BPTF: variants seen among roughly 807,000 people sequenced by gnomAD.
The protein encoded by BPTF is bromodomain PHD finger transcription factor, also known as nucleosome-remodeling factor subunit BPTF.
BPTF carries 18 observed loss-of-function variants against 292.5 expected under a neutral mutation model. That is an observed-to-expected ratio of 0.06 (90% confidence interval 0.04 to 0.09). The LOEUF is 0.09. Ranked by LOEUF, BPTF falls within the 10% of genes least tolerant of loss-of-function variation. BPTF has a pLI of 1.00. For synonymous variants in BPTF, 1,225 were observed against 1,251.9 expected, an observed-to-expected ratio of 0.98 and a Z score of 0.45; for missense variants, 2,726 against 3,498.7, an observed-to-expected ratio of 0.78 and a Z score of 5.57.
At chr17:67,841,302 G>A (rs1361943068) in intron 1 of BPTF, among the ~76,000 whole-genome samples, 1 of 152,032 alleles carries the variant, frequency 6.6e-6, no homozygotes, top group East Asian at 1.9e-4. Context: ...CCAGCTACTC[G>A]GGAGGCTGAG....
In BPTF at chr17:67,889,432, A is replaced by G. The variant is rs185291122; in HGVS notation, c.1865-2412A>G. 1.4e-4 allele frequency among the ~76,000 whole-genome samples: 21 copies of G among 152,316 alleles called. No individual in the cohort carries two copies. The East Asian group carries it at 4.1e-3, about 29-fold the overall frequency. ...CGGGAAATCTGACCCAGACCAAATGATGTCTAAAAAGTATCTATTACAGGA... is the reference window on the plus strand; with the variant it reads ...CGGGAAATCTGACCCAGACCAAATGGTGTCTAAAAAGTATCTATTACAGGA... On this transcript the variant is annotated intron_variant, in intron 4 of 27. Coordinates refer to ENST00000306378, the MANE Select transcript of BPTF (RefSeq NM_182641.4).
At chr17:67,883,039 G>A (rs1416342874) in intron 4 of BPTF, among the ~76,000 whole-genome samples, 1 of 151,188 alleles carries the variant, frequency 6.6e-6, no homozygotes, top group African/African-American at 2.4e-5. Context: ...AAAAGGGCTG[G>A]GCTTGGTGGC....
chr17:67,945,568 C>A lies in BPTF; in HGVS notation c.6860C>A (p.Ser2287Tyr). The A allele has an allele frequency of 6.2e-7, 1 of 1,610,976 alleles. No homozygotes were observed. Among genetic ancestry groups the A allele is most frequent in the Non-Finnish European group, 8.5e-7 (1 of 1,178,452 alleles). The change falls in exon 21 of 28, where the codon TCC becomes TAC. Residue 2287 changes from serine to tyrosine, a missense_variant. By Grantham distance (144) the Ser-to-Tyr change is moderately radical. Coordinates refer to ENST00000306378, the MANE Select transcript of BPTF (RefSeq NM_182641.4). ...CCCCAGCCCCAAACCCAGCCCCAGT[C>A]CCCAGCTCAGCCTGAAGTTCAGACT... ...AQPQPQTQPQ[S>Y]PAQPEVQTQP...
Position 67,897,282 on chromosome 17 carries a change from G to A in BPTF, c.2543+3117G>A, listed in dbSNP as rs180701415. Among the ~76,000 whole-genome samples the A allele has an allele frequency of 1.7e-3, 245 of 146,684 alleles. 1 individual carries two copies. Among genetic ancestry groups the A allele is most frequent in the African/African-American group, 5.9e-3 (230 of 38,950 alleles). Reference sequence around the variant, plus strand: ...CTTGAACCCGGGAGGCGGAGGTTGCGGTGAGCCGAGATCATGCCATTGCAC... The same window carrying A: ...CTTGAACCCGGGAGGCGGAGGTTGCAGTGAGCCGAGATCATGCCATTGCAC... On this transcript the variant is annotated intron_variant, in intron 7 of 27. Coordinates refer to ENST00000306378, the MANE Select transcript of BPTF (RefSeq NM_182641.4).
intron 25 of BPTF, 179 bp from the exon 26 acceptor site, chr17:67,966,393 A>G: frequency 1.8e-6 from 1 of 540,918 alleles, no homozygotes. Flanking sequence ...GAGTACCATT[A>G]TTGTAGAGGA....
chr17:67,976,709 A>T (rs2069500727), intron 27 of BPTF, among the ~76,000 whole-genome samples: 2 of 139,896 alleles, frequency 1.4e-5, no homozygotes, highest in African/African-American at 5.3e-5. Context: ...AAAAAAAAAA[A>T]AAAAAATAAG....
intron 18 of BPTF, among the ~76,000 whole-genome samples, chr17:67,937,763 G>C (rs1350063791): frequency 6.6e-6 from 1 of 152,130 alleles, no homozygotes; most frequent in South Asian, 2.1e-4. Flanking sequence ...TGTGTCTTCA[G>C]GTGTGCACAG....
chr17:67,966,349 C>G (rs539110519), intron 25 of BPTF: 4 of 458,768 alleles, frequency 8.7e-6, no homozygotes, highest in South Asian at 2.4e-5. Flanking sequence ...AGCTTGTGCT[C>G]CATTCCCAAC....
At chr17:67,846,989 C>T (rs985732852) in intron 1 of BPTF, among the ~76,000 whole-genome samples, 6 of 152,106 alleles carry the variant, frequency 3.9e-5, no homozygotes, top group Non-Finnish European at 7.4e-5. Flanking sequence ...GCATGAGCCA[C>T]CAAGCCCAGC....
At chr17:67,921,659 T>C (rs990315291) in intron 13 of BPTF, among the ~76,000 whole-genome samples, 1 of 150,916 alleles carries the variant, frequency 6.6e-6, no homozygotes, top group Non-Finnish European at 1.5e-5. Context: ...AACTTGGGAG[T>C]TCTTCTTGGA....
intron 4 of BPTF, among the ~76,000 whole-genome samples, chr17:67,876,909 C>T (rs1431748025): frequency 6.6e-6 from 1 of 152,022 alleles, no homozygotes; most frequent in Non-Finnish European, 1.5e-5. Context: ...TGTCAGTGGC[C>T]GGCATCAGAG....
At chr17:67,969,483 C>CCATTACTT (rs2068525935) in intron 26 of BPTF, among the ~76,000 whole-genome samples, 1 of 147,190 alleles carries the variant, frequency 6.8e-6, no homozygotes, top group African/African-American at 2.5e-5. Context: ...AAAGAGATAG[C>CCATTACTT]CATTGCTTTT....
Position 67,854,843 on chromosome 17 carries a change from C to A in BPTF, c.1436+81C>A. On this transcript the variant is annotated intron_variant, in intron 2 of 27. Transcript: ENST00000306378. The surrounding 1 kb of genome is among the most constrained non-coding windows in gnomAD (Gnocchi z 5.6). ...TCGTGATTGATGTAGCAGAGCTATG[C>A]TGTTGATGTGGTATAAACCTTTGTA... 2.0e-6 allele frequency: 2 copies of A among 979,128 alleles called. No individual in the cohort carries two copies. The highest frequency in any genetic ancestry group is 3.1e-6 in the Non-Finnish European group (2 of 652,452). 60.7% of individuals were successfully genotyped at this position (979,128 alleles called of 1,614,324 possible).
chr17:67,972,604 G>A (rs1206988547), intron 26 of BPTF, among the ~76,000 whole-genome samples: 1 of 151,990 alleles, frequency 6.6e-6, no homozygotes, highest in African/African-American at 2.4e-5. Context: ...TTGGCATATG[G>A]TAGTTTTTAA....
At chr17:67,924,652 G>C in intron 15 of BPTF, 63 bp downstream of exon 15, 1 of 1,557,874 alleles carries the variant, frequency 6.4e-7, no homozygotes. Flanking sequence ...CAAAACAAAA[G>C]CACTTGACCT....
chr17:67,929,574 TCA>T, intron 17 of BPTF, 87 bp downstream of exon 17: 1 of 1,446,944 alleles, frequency 6.9e-7, no homozygotes, highest in Non-Finnish European at 9.3e-7. Context: ...TTAATCCAAC[TCA>T]GTTTCCTTTG....
chr17:67,892,474 GA>G (rs2146283342), intron 5 of BPTF, among the ~76,000 whole-genome samples: 1 of 152,332 alleles, frequency 6.6e-6, no homozygotes, highest in East Asian at 1.9e-4. Flanking sequence ...GAGTACTGTG[GA>G]TAGGACAGCA....
chr17:67,962,506 G>A (rs1555684630), intron 24 of BPTF, among the ~76,000 whole-genome samples: 1 of 152,178 alleles, frequency 6.6e-6, no homozygotes, highest in Admixed American at 6.5e-5. Flanking sequence ...CCCTTGCCAA[G>A]CAGTGTAGAC....
chr17:67,892,090 C>T (rs1386060268), intron 5 of BPTF, 56 bp downstream of exon 5: 3 of 1,279,298 alleles, frequency 2.3e-6, no homozygotes, highest in South Asian at 1.7e-5. Flanking sequence ...ATTTTAATTA[C>T]CACACCTTAA....
Sources: allele counts gnomAD v4.1 joint callset (sites outside exome capture counted in the v4.1 genomes callset), GRCh38; gene constraint gnomAD v4.1.1; non-coding constraint Gnocchi (gnomAD v3.1); transcripts MANE v1.5; gene names NCBI Gene and HGNC (gene_info 2026-07-23, HGNC 2026-07-21).